MACF1: variants seen among roughly 807,000 people sequenced by gnomAD.
MACF1 encodes the protein microtubule-actin cross-linking factor 1.
A neutral mutation model predicts 854.8 loss-of-function variants in MACF1; 193 were observed. The ratio of observed to expected loss-of-function variants is 0.23; its 90% CI spans 0.20 to 0.25. The LOEUF (loss-of-function observed/expected upper bound fraction) is 0.25, where lower values mean the gene tolerates loss of function less well. Ranked by LOEUF, MACF1 falls within the 10% of genes least tolerant of loss-of-function variation. The probability of loss-of-function intolerance (pLI) is 1.00; values close to 1 mark genes in which losing one functional copy is unlikely to be tolerated. For missense variants in MACF1, 7,722 were observed against 8,929.1 expected, an observed-to-expected ratio of 0.86 and a Z score of 5.45; for synonymous variants, 3,185 against 3,226.7, an observed-to-expected ratio of 0.99 and a Z score of 0.44.
chr1:39,419,798 AGTGTGTGTGTGTGT>A (rs3080664), intron 58 of MACF1, among the ~76,000 whole-genome samples: 160 of 131,054 alleles, frequency 1.2e-3, no homozygotes, highest in African/African-American at 4.3e-3. Flanking sequence ...ATGCCTGGCT[AGTGTGTGTGTGTGT>A]GTGTGTGTGT....
At position 39,333,025 on chromosome 1, in the gene MACF1, T is replaced by G. The variant is rs760650301; in HGVS notation, c.6437T>G (p.Val2146Gly). Residue 2146 changes from valine (V) to glycine (G), a missense_variant, in exon 37 of 101, where the codon GTT becomes GGT. Around this residue, in one of 15 missense-constraint regions of MACF1, gnomAD observed 1,531 missense variants for 1,601.6 expected, o/e 0.96. Transcript: ENST00000564288. ...GAGGCGGAAGGTGTGCCGTTGGTGG[T>G]TGACAAAGATGTTTTTTCTGTTGAA... ...PAEAEGVPLVVDKDVFSVETP... is the reference protein window; with the variant it reads ...PAEAEGVPLVGDKDVFSVETP... 95 of 1,613,938 alleles carry G rather than the reference T, an allele frequency of 5.9e-5. No individual in the cohort carries two copies. The highest frequency in any genetic ancestry group is 7.7e-5 in the Non-Finnish European group (91 of 1,180,020).
intron 2 of MACF1, among the ~76,000 whole-genome samples, chr1:39,183,966 C>G (rs1644135797): frequency 1.3e-5 from 2 of 152,192 alleles, no homozygotes; most frequent in Admixed American, 1.3e-4. Flanking sequence ...TTTCAAAGAA[C>G]ATATAATGAC....
chr1:39,388,924 G>A (rs1317138245), intron 58 of MACF1, among the ~76,000 whole-genome samples: 3 of 139,428 alleles, frequency 2.2e-5, no homozygotes, highest in Admixed American at 7.6e-5. Flanking sequence ...TCTCACCCAG[G>A]CTGGAGTGCA....
At position 39,485,977 on chromosome 1, in the gene MACF1, A is replaced by G. The variant is rs1469250655; in HGVS notation, c.*183A>G. On this transcript the variant is annotated 3_prime_UTR_variant, in exon 101 of 101. Transcript: ENST00000564288. Reference sequence around the variant, plus strand: ...TTTTCATGTGAATATTTATGTAGATAAAATTTGCCTCCTGGTAACCCTGTA... The same window carrying G: ...TTTTCATGTGAATATTTATGTAGATGAAATTTGCCTCCTGGTAACCCTGTA... 4 of 625,718 alleles carry G rather than the reference A, an allele frequency of 6.4e-6. No homozygotes were observed. The highest frequency in any genetic ancestry group is 9.4e-6 in the Non-Finnish European group (4 of 427,000). 38.8% of individuals were successfully genotyped at this position (625,718 alleles called of 1,614,324 possible). A position where few individuals can be genotyped will look rare whatever the true frequency, so the allele number is the denominator to read the frequency against.
intron 33 of MACF1, among the ~76,000 whole-genome samples, chr1:39,323,605 G>A (rs969834785): frequency 6.6e-6 from 1 of 151,818 alleles, no homozygotes; most frequent in Admixed American, 6.6e-5. Context: ...GGGAAATAAC[G>A]TTAACTTACA....
At chr1:39,445,798 A>G (rs753905064) in intron 80 of MACF1, among the ~76,000 whole-genome samples, 7 of 152,110 alleles carry the variant, frequency 4.6e-5, no homozygotes, top group Admixed American at 6.5e-5. Context: ...ATCTCTACAA[A>G]AATACCTAAA....
At chr1:39,170,818 C>G (rs1189282737) in intron 2 of MACF1, among the ~76,000 whole-genome samples, 1 of 152,134 alleles carries the variant, frequency 6.6e-6, no homozygotes, top group Non-Finnish European at 1.5e-5. Flanking sequence ...GGGAGGACAG[C>G]AGTGAAGGAG....
At chr1:39,432,723 C>G in intron 67 of MACF1, 69 bp downstream of exon 67, 2 of 1,460,204 alleles carry the variant, frequency 1.4e-6, no homozygotes, top group Non-Finnish European at 1.9e-6. Flanking sequence ...GAGTTTCTGA[C>G]TATCCCATGT....
chr1:39,388,511 G>A lies in MACF1; in HGVS notation c.15669G>A (p.Leu5223=). The change falls in exon 58 of 101, where the codon CTG becomes CTA. Residue 5223 remains leucine, a synonymous_variant. Coordinates refer to ENST00000564288, the MANE Select transcript of MACF1 (RefSeq NM_001394062.1). Reference sequence around the variant, plus strand: ...GGGGGAAAGCTCGTCAGGAACAGCTGGAACTGACACTAGGCCGTGTAGAGG... The same window carrying A: ...GGGGGAAAGCTCGTCAGGAACAGCTAGAACTGACACTAGGCCGTGTAGAGG... ...TERGKARQEQ[L]ELTLGRVEDF... 6.2e-7 allele frequency: 1 copy of A among 1,614,178 alleles called. No homozygotes were observed. The highest frequency in any genetic ancestry group is 1.1e-5 in the South Asian group (1 of 91,086).
At chr1:39,122,240 G>A (rs887027823) in intron 2 of MACF1, among the ~76,000 whole-genome samples, 6 of 150,254 alleles carry the variant, frequency 4.0e-5, no homozygotes, top group Admixed American at 3.3e-4. Context: ...AGCCACTTCT[G>A]TGTTTGGTAA....
chr1:39,327,751 C>T (rs1646643447), intron 36 of MACF1, among the ~76,000 whole-genome samples: 1 of 152,192 alleles, frequency 6.6e-6, no homozygotes, highest in Admixed American at 6.5e-5. Context: ...AACCTCTTCC[C>T]TCTATACTAA....
At chr1:39,235,054 C>G (rs1000994555) in intron 2 of MACF1, among the ~76,000 whole-genome samples, 7 of 151,430 alleles carry the variant, frequency 4.6e-5, no homozygotes, top group Admixed American at 1.3e-4. Context: ...TCCTCACATC[C>G]CAGATGATGG....
chr1:39,239,602 A>G (rs1180384742), intron 2 of MACF1, among the ~76,000 whole-genome samples: 1 of 152,216 alleles, frequency 6.6e-6, no homozygotes, highest in Non-Finnish European at 1.5e-5. Context: ...TATTTAAATT[A>G]TCTATGCCAT....
chr1:39,278,218 G>T (rs1645473992), intron 6 of MACF1, among the ~76,000 whole-genome samples: 1 of 152,184 alleles, frequency 6.6e-6, no homozygotes, highest in Non-Finnish European at 1.5e-5. Context: ...CCAGAGCACA[G>T]TACTGTGCAC....
intron 2 of MACF1, among the ~76,000 whole-genome samples, chr1:39,173,338 C>CAAAAA (rs10636583): frequency 8.8e-4 from 89 of 100,988 alleles, no homozygotes; most frequent in African/African-American, 3.6e-3. Context: ...GACTCCATCT[C>CAAAAA]AAAAAAAAAA....
chr1:39,308,805 A>G (rs1384732159), intron 23 of MACF1, among the ~76,000 whole-genome samples: 1 of 151,888 alleles, frequency 6.6e-6, no homozygotes, highest in African/African-American at 2.4e-5. Flanking sequence ...ATAGGCATCT[A>G]CCACCACACC....
chr1:39,139,928 C>G (rs1643300813), intron 2 of MACF1, among the ~76,000 whole-genome samples: 1 of 148,726 alleles, frequency 6.7e-6, no homozygotes, highest in Non-Finnish European at 1.5e-5. Context: ...CTGAGGTTAC[C>G]CATAATTAGA....
intron 97 of MACF1, among the ~76,000 whole-genome samples, chr1:39,471,214 G>C (rs1262115074): frequency 6.6e-6 from 1 of 152,178 alleles, no homozygotes; most frequent in Non-Finnish European, 1.5e-5. Context: ...ATAAAAAATG[G>C]TGCTAGGCGA....
chr1:39,322,855 T>C, intron 32 of MACF1, 55 bp from the exon 33 acceptor site: 4 of 1,567,376 alleles, frequency 2.6e-6, no homozygotes, highest in Non-Finnish European at 3.5e-6. Context: ...TTTTGAACTA[T>C]TTAAATTTCA....
Sources: allele counts gnomAD v4.1 joint callset (sites outside exome capture counted in the v4.1 genomes callset), GRCh38; gene constraint gnomAD v4.1.1; regional missense constraint gnomAD v4.1.1; transcripts MANE v1.5; gene names NCBI Gene and HGNC (gene_info 2026-07-23, HGNC 2026-07-21).